FGD4: variants seen among roughly 807,000 people sequenced by gnomAD.
FGD4 encodes FYVE, RhoGEF and PH domain containing 4.
In FGD4, 42 loss-of-function variants were observed where a neutral mutation model predicts 102.0. The observed-to-expected ratio is 0.41, with a 90% CI of 0.32 to 0.53. The LOEUF (loss-of-function observed/expected upper bound fraction) is 0.53. Among genes scored for constraint, FGD4 ranks in the 20% least tolerant of loss-of-function variants. The probability of loss-of-function intolerance (pLI) is 0.21; values close to 1 mark genes in which losing one functional copy is unlikely to be tolerated. For missense variants in FGD4, 902 were observed against 1,078.2 expected (o/e 0.84, Z 2.29); for synonymous variants, 380 against 375.7 (o/e 1.01, Z -0.13).
intron 16 of FGD4, 145 bp from the exon 17 acceptor site, chr12:32,640,131 A>T (rs187236772): frequency 8.2e-7 from 1 of 1,216,236 alleles, no homozygotes. Context: ...GTACTAAGCA[A>T]TGGGATTGCC....
At chr12:32,409,316 C>A (rs1941099992) in intron 1 of FGD4, among the ~76,000 whole-genome samples, 1 of 118,454 alleles carries the variant, frequency 8.4e-6, no homozygotes. Flanking sequence ...GAGTTGAAGT[C>A]TCACTCTTGT....
intron 3 of FGD4, among the ~76,000 whole-genome samples, chr12:32,578,627 C>T (rs748423228): frequency 2.0e-5 from 3 of 152,010 alleles, no homozygotes; most frequent in South Asian, 2.1e-4. Context: ...CTCAGGAGTT[C>T]GAGATCAGCC....
At chr12:32,528,937 A>C (rs573732189) in intron 1 of FGD4, among the ~76,000 whole-genome samples, 4 of 152,232 alleles carry the variant, frequency 2.6e-5, no homozygotes, top group Admixed American at 2.6e-4. Context: ...GGTGATAGAA[A>C]ACTTTTTTAT....
intron 1 of FGD4, among the ~76,000 whole-genome samples, chr12:32,563,649 C>T (rs878985461): frequency 4.6e-4 from 70 of 152,216 alleles, no homozygotes; most frequent in Non-Finnish European, 6.9e-4. Flanking sequence ...CCAAGGCAGG[C>T]GGCTGGGAGG....
In FGD4 at chr12:32,486,134, A is replaced by T. The variant is rs566487238; in HGVS notation, c.167-78003A>T. 2.6e-6 allele frequency: 4 copies of T among 1,529,676 alleles called. No individual in the cohort carries two copies. The South Asian group carries it at 4.8e-5, about 19-fold the overall frequency. The allele number at this position is 1,529,676 out of a possible 1,614,324, so 94.8% of individuals were successfully genotyped here. On this transcript the variant is annotated intron_variant, in intron 1 of 16. Coordinates refer to ENST00000534526, the MANE Select transcript of FGD4 (RefSeq NM_001370298.3). Reference sequence around the variant, plus strand: ...CTGGATGTTATGAAAAGAATCTTTTATGGGGGGCTGTGAGTATTGTTTTGC... The same window carrying T: ...CTGGATGTTATGAAAAGAATCTTTTTTGGGGGGCTGTGAGTATTGTTTTGC...
chr12:32,622,598 A>C, intron 11 of FGD4, among the ~76,000 whole-genome samples: 1 of 152,178 alleles, frequency 6.6e-6, no homozygotes, highest in Non-Finnish European at 1.5e-5. Context: ...ATGATCTATC[A>C]TGCTCTTTTT....
chr12:32,563,229 T>A (rs560171311), intron 1 of FGD4, among the ~76,000 whole-genome samples: 2 of 146,526 alleles, frequency 1.4e-5, no homozygotes, highest in South Asian at 4.5e-4. Context: ...GCAGAGGGGC[T>A]CCTCACTTCT....
Position 32,495,706 on chromosome 12 carries a change from A to AAGAAAG in FGD4, c.167-68430_167-68429insGAAAGA, listed in dbSNP as rs1555188648. Reference sequence around the variant, plus strand: ...GAGAGACTCTGTTTCAAAAAAAAAAAAAAAAAGAAGCTTTTCAGAATCCCC... The same window carrying AAGAAAG: ...GAGAGACTCTGTTTCAAAAAAAAAAAAGAAAGAAAAAAGAAGCTTTTCAGAATCCCC... On this transcript the variant is annotated intron_variant, in intron 1 of 16. Transcript: ENST00000534526. Among the ~76,000 whole-genome samples, 604 of 146,294 alleles carry AAGAAAG rather than the reference A, an allele frequency of 4.1e-3. 25 individuals are homozygous for AAGAAAG. The highest frequency in any genetic ancestry group is 0.015 in the African/African-American group (584 of 38,820).
At chr12:32,476,956 G>A (rs1284873890) in intron 1 of FGD4, among the ~76,000 whole-genome samples, 3 of 152,270 alleles carry the variant, frequency 2.0e-5, no homozygotes, top group Non-Finnish European at 4.4e-5. Flanking sequence ...CTTGGCTTAA[G>A]GTTATGAGTT....
intron 8 of FGD4, among the ~76,000 whole-genome samples, chr12:32,610,195 G>A (rs538491786): frequency 3.9e-5 from 6 of 152,322 alleles, no homozygotes; most frequent in Non-Finnish European, 7.3e-5. Flanking sequence ...TAGCATAGCT[G>A]TGTGACCTCA....
chr12:32,622,711 G>C (rs1949917277), intron 11 of FGD4, among the ~76,000 whole-genome samples: 1 of 152,174 alleles, frequency 6.6e-6, no homozygotes, highest in South Asian at 2.1e-4. Context: ...TCCTGCCTCA[G>C]CTTCCCAGAG....
At chr12:32,627,712 A>C (rs556007855) in intron 14 of FGD4, among the ~76,000 whole-genome samples, 2 of 152,200 alleles carry the variant, frequency 1.3e-5, no homozygotes, top group Non-Finnish European at 2.9e-5. Flanking sequence ...ATAGCAACTC[A>C]GGCCAGCGAA....
intron 1 of FGD4, among the ~76,000 whole-genome samples, chr12:32,536,204 A>G (rs1672803775): frequency 6.6e-6 from 1 of 152,212 alleles, no homozygotes; most frequent in African/African-American, 2.4e-5. Flanking sequence ...AATAGGAAAT[A>G]TTATGCAGTT....
intron 3 of FGD4, chr12:32,579,489 C>T (rs1268078592): frequency 6.6e-6 from 1 of 152,286 alleles, no homozygotes; most frequent in Non-Finnish European, 1.5e-5. Flanking sequence ...TCCCCGTCTC[C>T]TCTCCCTCCC....
At chr12:32,449,822 T>C (rs1942719870) in intron 1 of FGD4, among the ~76,000 whole-genome samples, 1 of 152,192 alleles carries the variant, frequency 6.6e-6, no homozygotes, top group Admixed American at 6.5e-5. Flanking sequence ...ACTTCCTGCC[T>C]TGACCTCCCG....
chr12:32,505,433 G>A (rs552605737), intron 1 of FGD4, among the ~76,000 whole-genome samples: 8 of 152,332 alleles, frequency 5.3e-5, no homozygotes, highest in Admixed American at 6.5e-5. Flanking sequence ...CTCTATATGT[G>A]TGCCAATTGA....
chr12:32,422,361 G>C (rs1157983323), intron 1 of FGD4, among the ~76,000 whole-genome samples: 2 of 124,228 alleles, frequency 1.6e-5, no homozygotes, highest in Non-Finnish European at 3.2e-5. Context: ...TGCAGTGGTG[G>C]GATCTCGGTT....
In FGD4 at chr12:32,579,039, G is replaced by GTTTTTTTTTTT. The variant is rs35186090; in HGVS notation, c.503+2604_503+2614dup. Among the ~76,000 whole-genome samples, 8 of 66,146 alleles carry GTTTTTTTTTTT rather than the reference G, an allele frequency of 1.2e-4. 1 individual carries two copies. Among genetic ancestry groups the GTTTTTTTTTTT allele is most frequent in the African/African-American group, 3.9e-4 (6 of 15,404 alleles). The allele number at this position is 66,146 out of a possible 152,430, so 43.4% of individuals were successfully genotyped here. A position where few individuals can be genotyped will look rare whatever the true frequency, so the allele number is the denominator to read the frequency against. On this transcript the variant is annotated intron_variant, in intron 3 of 16. Transcript: ENST00000534526. ...GTTTCTACAGACCTGAACATTAGTG[G>GTTTTTTTTTTT]TTTTTTTTTTTTTTTTTTTTTTTTG...
chr12:32,640,795 A>G lies in FGD4; in HGVS notation c.*262A>G. The stretch of plus-strand genomic sequence containing the variant: ...GAATATGTGCTTTTTTGTCTTGAAG[A>G]AATGGTGTATCAATTGATTCTGTCA... On this transcript the variant is annotated 3_prime_UTR_variant, in exon 17 of 17. Coordinates refer to ENST00000534526, the MANE Select transcript of FGD4 (RefSeq NM_001370298.3). 1.7e-6 allele frequency: 1 copy of G among 604,100 alleles called. No homozygotes were observed. The highest frequency in any genetic ancestry group is 2.8e-5 in the East Asian group (1 of 36,298). The allele number at this position is 604,100 out of a possible 1,614,324, so 37.4% of individuals were successfully genotyped here. A position where few individuals can be genotyped will look rare whatever the true frequency, so the allele number is the denominator to read the frequency against.
Sources: gnomAD v4.1 joint callset for allele counts (sites outside exome capture counted in the v4.1 genomes callset) on GRCh38, gnomAD v4.1.1 for gene constraint, MANE v1.5 for transcripts, NCBI Gene and HGNC (gene_info 2026-07-23, HGNC 2026-07-21) for gene names.